The following DPY19L2 variants were observed in gnomAD, a reference collection of about 807,000 sequenced individuals.
The protein encoded by DPY19L2 is probable C-mannosyltransferase DPY19L2.
A neutral mutation model predicts 97.9 loss-of-function variants in DPY19L2; 34 were observed. The ratio of observed to expected loss-of-function variants is 0.35; its 90% CI spans 0.26 to 0.46. DPY19L2 has a LOEUF of 0.46. Among genes scored for constraint, DPY19L2 ranks in the 20% least tolerant of loss-of-function variants. DPY19L2 has a pLI of 1.00. For missense variants in DPY19L2, 623 were observed against 911.4 expected (o/e 0.68, Z 4.07); for synonymous variants, 230 against 307.9 (o/e 0.75, Z 2.65).
At chr12:63,586,278 A>AT (rs1028447523) in intron 16 of DPY19L2, among the ~76,000 whole-genome samples, 11 of 152,310 alleles carry the variant, frequency 7.2e-5, no homozygotes, top group Admixed American at 7.2e-4. Context: ...AAATAAAGCC[A>AT]TTTTTTCAGG....
At chr12:63,583,935 G>C in intron 16 of DPY19L2, 99 bp from the exon 17 acceptor site, 2 of 969,952 alleles carry the variant, frequency 2.1e-6, no homozygotes, top group Non-Finnish European at 3.1e-6. Context: ...TTTTTAAAAT[G>C]TGACTATCTC....
intron 16 of DPY19L2, among the ~76,000 whole-genome samples, 189 bp downstream of exon 16, chr12:63,593,898 A>G (rs1210209493): frequency 6.6e-6 from 1 of 152,170 alleles, no homozygotes; most frequent in Admixed American, 6.5e-5. Context: ...TATCTCCAAA[A>G]CAAGTCCAAA....
intron 4 of DPY19L2, among the ~76,000 whole-genome samples, chr12:63,657,090 AAGTT>A (rs1445529549): frequency 6.6e-6 from 1 of 152,146 alleles, no homozygotes; most frequent in East Asian, 1.9e-4. Flanking sequence ...TTTTTGCTGA[AAGTT>A]AGACATGTTG....
intron 6 of DPY19L2, among the ~76,000 whole-genome samples, chr12:63,626,763 A>G (rs1300914271): frequency 6.6e-6 from 1 of 152,134 alleles, no homozygotes; most frequent in Non-Finnish European, 1.5e-5. Flanking sequence ...CTTTCTAAAT[A>G]AAATACATAA....
At chr12:63,582,620 A>T in intron 17 of DPY19L2, 95 bp from the exon 18 acceptor site, 2 of 1,301,150 alleles carry the variant, frequency 1.5e-6, no homozygotes, top group Non-Finnish European at 2.1e-6. Context: ...TAAGACAAGG[A>T]TCTTCTAACT....
At chr12:63,632,603 T>A (rs944655839) in intron 6 of DPY19L2, among the ~76,000 whole-genome samples, 1 of 151,984 alleles carries the variant, frequency 6.6e-6, no homozygotes, top group Admixed American at 6.5e-5. Flanking sequence ...TGCTCATGGG[T>A]AGGAAGAATC....
At chr12:63,607,579 T>C (rs1418520170) in intron 12 of DPY19L2, among the ~76,000 whole-genome samples, 2 of 152,202 alleles carry the variant, frequency 1.3e-5, no homozygotes, top group Non-Finnish European at 2.9e-5. Context: ...TTTTGTTCTC[T>C]TGTATTGTGG....
intron 8 of DPY19L2, among the ~76,000 whole-genome samples, chr12:63,622,888 C>A (rs1888915339): frequency 1.3e-5 from 2 of 152,164 alleles, no homozygotes; most frequent in Admixed American, 6.5e-5. Flanking sequence ...CGTGCCACTG[C>A]ACTCCAGCCT....
rs959343660 is a variant in DPY19L2 at position 63,654,316 on chromosome 12, G to C, written c.589-6951C>G. On this transcript the variant is annotated intron_variant, in intron 4 of 21. Transcript: ENST00000324472. ...ACAATCACTAGAACCACTAAAAAAA[G>C]CTTTGTAAAGTGATATATTGAAAAA... 5.9e-5 allele frequency among the ~76,000 whole-genome samples: 9 copies of C among 152,016 alleles called. 1 individual carries two copies. Among genetic ancestry groups the C allele is most frequent in the Non-Finnish European group, 1.3e-4 (9 of 67,996 alleles).
chr12:63,646,476 T>A (rs1242234943), intron 5 of DPY19L2, among the ~76,000 whole-genome samples: 3 of 152,090 alleles, frequency 2.0e-5, no homozygotes, highest in Non-Finnish European at 4.4e-5. Flanking sequence ...TTAGTTTATA[T>A]CCCAAGAGTT....
chr12:63,666,755 C>T (rs1896389531), intron 1 of DPY19L2, among the ~76,000 whole-genome samples: 1 of 152,032 alleles, frequency 6.6e-6, no homozygotes, highest in Non-Finnish European at 1.5e-5. Flanking sequence ...TGGAGGAGTG[C>T]ATTTCCTTGG....
intron 21 of DPY19L2, among the ~76,000 whole-genome samples, chr12:63,562,737 A>T (rs1456048619): frequency 2.0e-5 from 3 of 151,238 alleles, no homozygotes; most frequent in African/African-American, 7.3e-5. Context: ...TTTGCATTTC[A>T]CAAATCACTA....
intron 12 of DPY19L2, among the ~76,000 whole-genome samples, chr12:63,607,596 A>T (rs1886271707): frequency 3.3e-5 from 5 of 152,158 alleles, no homozygotes. Context: ...GTGGGTAGGA[A>T]CCTACCTCCT....
At chr12:63,631,175 A>G (rs1890559989) in intron 6 of DPY19L2, among the ~76,000 whole-genome samples, 1 of 152,158 alleles carries the variant, frequency 6.6e-6, no homozygotes, top group Non-Finnish European at 1.5e-5. Context: ...AGCAAGAGCA[A>G]ACACATTCAA....
chr12:63,666,247 C>T (rs557015221), intron 1 of DPY19L2, among the ~76,000 whole-genome samples: 32 of 152,056 alleles, frequency 2.1e-4, no homozygotes, highest in African/African-American at 6.3e-4. Flanking sequence ...CTAACCAAGA[C>T]GAACCACTCT....
intron 12 of DPY19L2, among the ~76,000 whole-genome samples, chr12:63,605,243 G>T (rs1358147169): frequency 1.3e-5 from 2 of 152,116 alleles, no homozygotes; most frequent in Non-Finnish European, 1.5e-5. Flanking sequence ...AGGAGCAGAG[G>T]GCTCTTTCCT....
intron 16 of DPY19L2, among the ~76,000 whole-genome samples, chr12:63,592,849 G>A (rs1028397702): frequency 3.9e-5 from 6 of 152,018 alleles, no homozygotes; most frequent in Non-Finnish European, 8.8e-5. Flanking sequence ...AGAGTCAACA[G>A]GCAACCTACA....
chr12:63,656,579 G>A (rs1047355171), intron 4 of DPY19L2, among the ~76,000 whole-genome samples: 10 of 152,076 alleles, frequency 6.6e-5, no homozygotes, highest in African/African-American at 2.4e-4. Flanking sequence ...TGGATCTGTG[G>A]TTTGGTATCT....
At position 63,569,836 on chromosome 12, in the gene DPY19L2, T is replaced by C. The variant is rs148398888; in HGVS notation, c.2001-487A>G. Among the ~76,000 whole-genome samples, 57 of 152,278 alleles carry C rather than the reference T, an allele frequency of 3.7e-4. 2 individuals are homozygous for C. The East Asian group carries it at 9.3e-3, about 25-fold the overall frequency. ...GTAGGAAAAGCACCTTCGCAGAATC[T>C]TGAGAAATGGGGATGGTCACCAAAA... On this transcript the variant is annotated intron_variant, in intron 20 of 21. Transcript: ENST00000324472.
Sources: allele counts gnomAD v4.1 joint callset (sites outside exome capture counted in the v4.1 genomes callset), GRCh38; gene constraint gnomAD v4.1.1; transcripts MANE v1.5; gene names NCBI Gene and HGNC (gene_info 2026-07-23, HGNC 2026-07-21).